The following GLI3 variants were observed in gnomAD, a reference collection of about 807,000 sequenced individuals.
The protein encoded by GLI3 is GLI family zinc finger 3.
GLI3 carries 20 observed loss-of-function variants against 100.8 expected under a neutral mutation model. The observed-to-expected ratio is 0.20, with a 90% confidence interval of 0.14 to 0.29. GLI3 has a LOEUF of 0.29. Ranked by LOEUF, GLI3 falls within the 10% of genes least tolerant of loss-of-function variation. The pLI, the probability that GLI3 is intolerant of heterozygous loss-of-function variation, is 1.00. For synonymous variants in GLI3, 938 were observed against 860.5 expected, an observed-to-expected ratio of 1.09 and a Z score of -1.58; for missense variants, 2,040 against 2,128.5, an observed-to-expected ratio of 0.96 and a Z score of 0.82.
chr7:42,206,561 C>A (rs910992434), intron 2 of GLI3, among the ~76,000 whole-genome samples: 1 of 152,090 alleles, frequency 6.6e-6, no homozygotes, highest in South Asian at 2.1e-4. Flanking sequence ...TCACTTCATA[C>A]ATATGAATTC....
chr7:42,027,873 G>T (rs773558006), intron 7 of GLI3, among the ~76,000 whole-genome samples: 1 of 152,152 alleles, frequency 6.6e-6, no homozygotes, highest in African/African-American at 2.4e-5. Flanking sequence ...ATAATATTCC[G>T]TTTCTGCAGC....
intron 4 of GLI3, among the ~76,000 whole-genome samples, chr7:42,055,908 T>C (rs577842155): frequency 3.9e-5 from 6 of 152,324 alleles, no homozygotes; most frequent in African/African-American, 1.4e-4. Context: ...AATCTCATCT[T>C]GAATTCCCAT....
intron 4 of GLI3, among the ~76,000 whole-genome samples, chr7:42,063,689 A>AG (rs1178598997): frequency 2.0e-5 from 3 of 152,328 alleles, no homozygotes; most frequent in African/African-American, 7.2e-5. Flanking sequence ...GATATGTAGT[A>AG]GGCAATCCTG....
Position 42,247,316 on chromosome 7 carries a change from T to C in GLI3, c.-43+16678A>G, listed in dbSNP as rs536169299. On this transcript the variant is annotated intron_variant, in intron 1 of 2. Transcript: ENST00000678978. ...CGATGTCCTTCTTCCAGCCCCCAGT[T>C]GTATGGGCCGGAGGCTGGTTGTGGC... is the stretch of plus-strand genomic sequence containing the variant. Among the ~76,000 whole-genome samples the C allele has an allele frequency of 7.9e-4, 121 of 152,244 alleles. 1 individual carries two copies. In the Middle Eastern group the frequency reaches 0.017, roughly 21 times the overall value.
chr7:42,224,116 T>C (rs971945039), intron 1 of GLI3, among the ~76,000 whole-genome samples: 2 of 152,236 alleles, frequency 1.3e-5, no homozygotes, highest in Admixed American at 1.3e-4. Context: ...TCATCATTCA[T>C]CAATTTTCAC....
At position 42,148,393 on chromosome 7, in the gene GLI3, C is replaced by A. The variant is rs1242592637; in HGVS notation, c.200G>T (p.Gly67Val). Residue 67 changes from glycine (G) to valine (V), a missense_variant, in exon 3 of 15, where the codon GGG (glycine) becomes GTG (valine). Around this residue, in one of 5 missense-constraint regions of GLI3, gnomAD observed 603 missense variants for 690.9 expected, o/e 0.87. Coordinates refer to ENST00000395925, the MANE Select transcript of GLI3 (RefSeq NM_000168.6). The stretch of plus-strand genomic sequence containing the variant: ...AGGTTCCTCACTGACTTTGCTGAGC[C>A]CCTGGACATTCTGTGGCTGCATAGT... ...AITMQPQNVQ[G>V]LSKVSEEPST... is the part of the protein sequence containing the mutation. The A allele has an allele frequency of 2.5e-6, 4 of 1,614,160 alleles. No homozygotes were observed. Among genetic ancestry groups the A allele is most frequent in the Non-Finnish European group, 3.4e-6 (4 of 1,180,002 alleles).
intron 1 of GLI3, among the ~76,000 whole-genome samples, chr7:42,223,765 G>A (rs1044848255): frequency 6.6e-6 from 1 of 152,154 alleles, no homozygotes; most frequent in African/African-American, 2.4e-5. Context: ...TAACATCGAA[G>A]GCCTACTCCA....
intron 3 of GLI3, among the ~76,000 whole-genome samples, chr7:42,091,297 G>T (rs951319527): frequency 1.2e-4 from 18 of 152,336 alleles, no homozygotes; most frequent in African/African-American, 4.3e-4. Flanking sequence ...GGTACACTGG[G>T]TGATTGCACA....
Position 42,223,309 on chromosome 7 carries a change from CAG to C in GLI3, c.-42-16_-42-15del, listed in dbSNP as rs1788523619. 6.6e-7 allele frequency: 1 copy of C among 1,503,834 alleles called. No homozygotes were observed. The highest frequency in any genetic ancestry group is 1.4e-5 in the African/African-American group (1 of 71,760). The allele number at this position is 1,503,834 out of a possible 1,614,324, so 93.2% of individuals were successfully genotyped here. On this transcript the variant is annotated splice_polypyrimidine_tract_variant and intron_variant, in intron 1 of 14. Coordinates refer to ENST00000395925, the MANE Select transcript of GLI3 (RefSeq NM_000168.6). ...ACCAAAAATGCCCTAAAGAAAACAA[CAG>C]AGCCATCAACTTTCCAAAATGGTGG... is the stretch of plus-strand genomic sequence containing the variant.
At chr7:42,113,796 T>C (rs1426916866) in intron 3 of GLI3, among the ~76,000 whole-genome samples, 2 of 152,220 alleles carry the variant, frequency 1.3e-5, no homozygotes, top group Non-Finnish European at 1.5e-5. Flanking sequence ...CCTAATAGAA[T>C]GTCTCTGAAG....
chr7:42,239,400 G>A (rs1006427654), upstream of GLI3, among the ~76,000 whole-genome samples: 1 of 151,928 alleles, frequency 6.6e-6, no homozygotes. Flanking sequence ...GGCTACAAGT[G>A]TGTAAGAATT....
At chr7:42,039,638 C>T (rs1784089070) in intron 7 of GLI3, among the ~76,000 whole-genome samples, 1 of 152,182 alleles carries the variant, frequency 6.6e-6, no homozygotes, top group South Asian at 2.1e-4. Flanking sequence ...AGACTTCTGC[C>T]ATGACTGGTC....
At chr7:42,063,997 C>T (rs1052522051) in intron 4 of GLI3, among the ~76,000 whole-genome samples, 1 of 152,184 alleles carries the variant, frequency 6.6e-6, no homozygotes, top group Admixed American at 6.5e-5. Context: ...TATCTAGCTA[C>T]CTTAACTTCC....
At chr7:42,163,604 A>T (rs1787178421) in intron 2 of GLI3, among the ~76,000 whole-genome samples, 1 of 151,498 alleles carries the variant, frequency 6.6e-6, no homozygotes, top group Non-Finnish European at 1.5e-5. Context: ...AATTTTTTGT[A>T]CTTTTAGTAG....
At chr7:42,203,184 A>G (rs993294585) in intron 2 of GLI3, among the ~76,000 whole-genome samples, 1 of 152,268 alleles carries the variant, frequency 6.6e-6, no homozygotes. Flanking sequence ...TTGTGGAACA[A>G]TTAACTCTGC....
Position 41,966,085 on chromosome 7 carries a change from A to T in GLI3, c.2988T>A (p.Asp996Glu), listed in dbSNP as rs988663443. The change falls in exon 15 of 15, where the codon GAT (aspartate) becomes GAA (glutamate). Residue 996 changes from aspartate (D) to glutamate (E), a missense_variant. Coordinates refer to ENST00000395925, the MANE Select transcript of GLI3 (RefSeq NM_000168.6). This position sits in a 1 kb window ranked among gnomAD's most constrained non-coding sequence, Gnocchi z 5.8. The part of the protein sequence containing the change: ...GYGRRHLQPH[D>E]APGHGVRRAS... The stretch of plus-strand genomic sequence containing the variant: ...CCCTCCTCACGCCGTGGCCCGGCGC[A>T]TCGTGCGGCTGCAGGTGGCGCCGCC... 6.4e-7 allele frequency: 1 copy of T among 1,569,422 alleles called. No individual in the cohort carries two copies. The highest frequency in any genetic ancestry group is 1.3e-5 in the African/African-American group (1 of 74,114).
chr7:42,126,642 G>C (rs971255133), intron 3 of GLI3, among the ~76,000 whole-genome samples: 2 of 152,166 alleles, frequency 1.3e-5, no homozygotes, highest in Admixed American at 6.5e-5. Flanking sequence ...AATGAGTAAA[G>C]GAAACCAAAA....
intron 3 of GLI3, among the ~76,000 whole-genome samples, chr7:42,086,823 C>T (rs574691393): frequency 6.6e-6 from 1 of 152,180 alleles, no homozygotes; most frequent in Admixed American, 6.5e-5. Context: ...ATGTCCTCCC[C>T]ACTGCCTTGC....
chr7:42,185,600 C>T (rs940761518), intron 2 of GLI3, among the ~76,000 whole-genome samples: 13 of 152,172 alleles, frequency 8.5e-5, no homozygotes, highest in Admixed American at 1.3e-4. Flanking sequence ...ATGCTTTATT[C>T]GTGACATTTT....
Sources: allele counts gnomAD v4.1 joint callset (sites outside exome capture counted in the v4.1 genomes callset), GRCh38; gene constraint gnomAD v4.1.1; regional missense constraint gnomAD v4.1.1; non-coding constraint Gnocchi (gnomAD v3.1); transcripts MANE v1.5; gene names NCBI Gene and HGNC (gene_info 2026-07-23, HGNC 2026-07-21).